Variants in UBA6 observed in about 807,000 individuals in gnomAD.
The protein encoded by UBA6 is ubiquitin-like modifier-activating enzyme 6.
UBA6 carries 87 observed loss-of-function variants against 148.3 expected under a neutral mutation model. That is an observed-to-expected ratio of 0.59 (90% CI 0.49 to 0.70). UBA6 has a LOEUF of 0.70. Ranked by LOEUF, UBA6 falls within the 30% of genes least tolerant of loss-of-function variation. UBA6 has a pLI of 0.00. For synonymous variants in UBA6, 376 were observed against 401.0 expected, an observed-to-expected ratio of 0.94 and a Z score of 0.75; for missense variants, 1,186 against 1,241.2, an observed-to-expected ratio of 0.96 and a Z score of 0.67.
Position 67,635,443 on chromosome 4 carries a change from A to G in UBA6, c.1842+10T>C. ...AAAAGACATCTATTTCAAAATATTG[A>G]TTCACTTACATGACTATTGTAAGAC... On this transcript the variant is annotated intron_variant, in intron 20 of 32. Transcript: ENST00000322244. The G allele has an allele frequency of 6.8e-7, 1 of 1,464,640 alleles. No homozygotes were observed. Among genetic ancestry groups the G allele is most frequent in the Admixed American group, 1.8e-5 (1 of 56,270 alleles). The allele number at this position is 1,464,640 out of a possible 1,614,324, so 90.7% of individuals were successfully genotyped here.
chr4:67,618,867 G>T lies in UBA6; in HGVS notation c.*130C>A. 1.1e-6 allele frequency: 1 copy of T among 931,102 alleles called. No individual in the cohort carries two copies. Among genetic ancestry groups the T allele is most frequent in the Non-Finnish European group, 1.6e-6 (1 of 627,498 alleles). 57.7% of individuals were successfully genotyped at this position (931,102 alleles called of 1,614,324 possible). A position where few individuals can be genotyped will look rare whatever the true frequency, so the allele number is the denominator to read the frequency against. On this transcript the variant is annotated 3_prime_UTR_variant, in exon 33 of 33. Coordinates refer to ENST00000322244, the MANE Select transcript of UBA6 (RefSeq NM_018227.6). ...TTCTTCAGTGCAGTTTCTTACTGAT[G>T]TTTCCCTTAAAATTAAGGCTTAATG...
rs776977117 is a variant in UBA6, at chr4:67,630,466, C to T, written c.2328G>A (p.Glu776=). ...ATVYCIPFAE[E]DLSADALLNI... The stretch of plus-strand genomic sequence containing the variant: ...TGCTAAGGCTTAAAGAATATCTTAC[C>T]TCTTCTGCAAATGGAATACAATATA... Residue 776 remains glutamate (E), a splice_region_variant and synonymous_variant, in exon 26 of 33, where the codon GAG becomes GAA. Transcript: ENST00000322244. 1 of 1,582,480 alleles carries T rather than the reference C, an allele frequency of 6.3e-7. No individual in the cohort carries two copies. Among genetic ancestry groups the T allele is most frequent in the Non-Finnish European group, 8.6e-7 (1 of 1,162,752 alleles).
chr4:67,628,573 T>A (rs1050479540), intron 27 of UBA6, among the ~76,000 whole-genome samples: 6 of 151,866 alleles, frequency 4.0e-5, no homozygotes, highest in Non-Finnish European at 7.4e-5. Flanking sequence ...GCACTTACAC[T>A]CACACTGCAA....
rs760796133 is a variant in UBA6, at chr4:67,644,796, G to T, written c.1396-18C>A. The T allele has an allele frequency of 7.2e-6, 10 of 1,379,414 alleles. No homozygotes were observed. The South Asian group carries it at 9.7e-5, about 13-fold the overall frequency. 85.4% of individuals were successfully genotyped at this position (1,379,414 alleles called of 1,614,324 possible). A position where few individuals can be genotyped will look rare whatever the true frequency, so the allele number is the denominator to read the frequency against. On this transcript the variant is annotated intron_variant, in intron 16 of 32. Coordinates refer to ENST00000322244, the MANE Select transcript of UBA6 (RefSeq NM_018227.6). ...CACCCTACCTATGGAGGAGAAAAAT[G>T]GTATATATCAGATTAAAATAACCTA...
chr4:67,622,126 A>G (rs932562382), intron 32 of UBA6, among the ~76,000 whole-genome samples: 18 of 152,328 alleles, frequency 1.2e-4, no homozygotes, highest in African/African-American at 4.1e-4. Context: ...TTGTGAAGGG[A>G]AAGTAAGGAA....
At chr4:67,656,231 C>CA (rs1469246859) in intron 13 of UBA6, among the ~76,000 whole-genome samples, 2 of 151,884 alleles carry the variant, frequency 1.3e-5, no homozygotes, top group Admixed American at 6.6e-5. Context: ...AGAGATACAA[C>CA]AAAAAAAGGG....
chr4:67,635,633 T>G, intron 19 of UBA6, 75 bp from the exon 20 acceptor site: 1 of 854,170 alleles, frequency 1.2e-6, no homozygotes, highest in South Asian at 1.4e-5. Flanking sequence ...CCTACAACTT[T>G]CTATTGACCA....
At chr4:67,645,835 C>G in intron 16 of UBA6, 103 bp downstream of exon 16, 1 of 499,432 alleles carries the variant, frequency 2.0e-6, no homozygotes, top group Non-Finnish European at 3.4e-6. Flanking sequence ...ATTACAACTA[C>G]TCACCTGTAC....
At chr4:67,635,169 T>C (rs1729106868) in intron 20 of UBA6, among the ~76,000 whole-genome samples, 1 of 152,116 alleles carries the variant, frequency 6.6e-6, no homozygotes, top group African/African-American at 2.4e-5. Flanking sequence ...ATCTAATAGT[T>C]TGTTCTTATC....
At chr4:67,635,677 T>C in intron 19 of UBA6, 119 bp from the exon 20 acceptor site, 1 of 624,446 alleles carries the variant, frequency 1.6e-6, no homozygotes, top group South Asian at 1.9e-5. Flanking sequence ...AATGCAGTAT[T>C]TTAGGAAAAC....
chr4:67,651,863 A>G (rs77297405), intron 13 of UBA6, among the ~76,000 whole-genome samples: 2,835 of 152,334 alleles, frequency 0.019, 95 homozygotes, highest in African/African-American at 0.064. Context: ...ATGGGCTAGA[A>G]TAGCTGGACA....
At chr4:67,685,576 T>C (rs1227772974) in intron 2 of UBA6, among the ~76,000 whole-genome samples, 1 of 152,192 alleles carries the variant, frequency 6.6e-6, no homozygotes, top group African/African-American at 2.4e-5. Flanking sequence ...CAGGAGCAAA[T>C]GCTACACTTT....
intron 12 of UBA6, chr4:67,662,566 C>T (rs111505911): frequency 0.13 from 29,888 of 235,598 alleles, 2,074 homozygotes; most frequent in Middle Eastern, 0.22. Flanking sequence ...CTGGTTCAAG[C>T]GATTCTTGTG....
At chr4:67,668,015 A>T (rs988246406) in intron 9 of UBA6, among the ~76,000 whole-genome samples, 6 of 152,154 alleles carry the variant, frequency 3.9e-5, no homozygotes, top group African/African-American at 1.4e-4. Flanking sequence ...ACAAAGCTAA[A>T]CTATACTCTT....
intron 1 of UBA6, among the ~76,000 whole-genome samples, chr4:67,697,398 A>G (rs2109963547): frequency 6.6e-6 from 1 of 152,266 alleles, no homozygotes; most frequent in South Asian, 2.1e-4. Flanking sequence ...AACTCATTCA[A>G]TCCTATTGAT....
chr4:67,649,336 A>G (rs6840867), intron 13 of UBA6, 125 bp from the exon 14 acceptor site: 131,255 of 904,842 alleles, frequency 0.15, 10,241 homozygotes, highest in Middle Eastern at 0.23. Flanking sequence ...CCCCTACTAA[A>G]TATCTCTAAA....
intron 12 of UBA6, 200 bp from the exon 13 acceptor site, chr4:67,662,455 A>G: frequency 2.2e-6 from 1 of 460,540 alleles, no homozygotes; most frequent in East Asian, 3.3e-5. Flanking sequence ...CAGTATATAA[A>G]TAAGTTTAGT....
chr4:67,662,423 T>C (rs1729883745), intron 12 of UBA6, 168 bp from the exon 13 acceptor site: 1 of 529,278 alleles, frequency 1.9e-6, no homozygotes, highest in Non-Finnish European at 3.3e-6. Context: ...ATAAATACAT[T>C]ACTTCAAAAT....
rs550909123 is a variant in UBA6, at chr4:67,670,900, A to G, written c.547-308T>C. On this transcript the variant is annotated intron_variant, in intron 7 of 32. Transcript: ENST00000322244. ...TGTGCTTGTCACAAAATTCAAGCAC[A>G]ACATAAAAGAAATAGATAACTCTGG... Among the ~76,000 whole-genome samples, 6 of 152,340 alleles carry G rather than the reference A, an allele frequency of 3.9e-5. No individual in the cohort carries two copies. In the South Asian group the frequency reaches 1.2e-3, roughly 32 times the overall value.
Sources: gnomAD v4.1 joint callset for allele counts (sites outside exome capture counted in the v4.1 genomes callset) on GRCh38, gnomAD v4.1.1 for gene constraint, MANE v1.5 for transcripts, NCBI Gene and HGNC (gene_info 2026-07-23, HGNC 2026-07-21) for gene names.